Variants in SLF2 observed in about 807,000 individuals in gnomAD.
The protein encoded by SLF2 is SMC5-SMC6 complex localization factor protein 2.
Under a neutral mutation model 124.3 loss-of-function variants are expected in SLF2, and 68 were observed. That is an observed-to-expected ratio of 0.55 (90% CI 0.45 to 0.67). The LOEUF is 0.67. Ranked by LOEUF, SLF2 falls within the 30% of genes least tolerant of loss-of-function variation. The pLI, the probability that SLF2 is intolerant of heterozygous loss-of-function variation, is 0.00. For synonymous variants in SLF2, 480 were observed against 478.8 expected (o/e 1.00, Z -0.03); for missense variants, 1,246 against 1,373.7 (o/e 0.91, Z 1.47).
chr10:100,933,526 T>C (rs2133789091), intron 9 of SLF2, among the ~76,000 whole-genome samples: 1 of 152,328 alleles, frequency 6.6e-6, no homozygotes, highest in Non-Finnish European at 1.5e-5. Context: ...ATTAAAATCC[T>C]TGCATTTTTG....
chr10:100,917,814 C>T (rs546808501), intron 3 of SLF2, among the ~76,000 whole-genome samples: 63 of 152,226 alleles, frequency 4.1e-4, no homozygotes, highest in African/African-American at 1.3e-3. Flanking sequence ...TGGCCTCAAG[C>T]GATCCTCCTG....
At chr10:100,927,342 T>C (rs1459303961) in intron 6 of SLF2, among the ~76,000 whole-genome samples, 1 of 152,228 alleles carries the variant, frequency 6.6e-6, no homozygotes, top group Non-Finnish European at 1.5e-5. Flanking sequence ...TAAGTGGTAT[T>C]ATATTTGTCC....
chr10:100,930,422 C>T (rs1336439411), intron 8 of SLF2, among the ~76,000 whole-genome samples: 1 of 152,162 alleles, frequency 6.6e-6, no homozygotes, highest in Non-Finnish European at 1.5e-5. Context: ...ACACAGCATT[C>T]CCACACACTA....
At chr10:100,920,601 G>A (rs1160670776) in intron 4 of SLF2, among the ~76,000 whole-genome samples, 1 of 152,074 alleles carries the variant, frequency 6.6e-6, no homozygotes, top group African/African-American at 2.4e-5. Flanking sequence ...AAGGACAAGG[G>A]GATATTTCAA....
chr10:100,947,936 G>A, intron 15 of SLF2, 89 bp downstream of exon 15: 1 of 908,448 alleles, frequency 1.1e-6, no homozygotes, highest in Non-Finnish European at 1.7e-6. Context: ...CAAAGGTCCT[G>A]GGGTCAGAGC....
intron 8 of SLF2, among the ~76,000 whole-genome samples, chr10:100,930,681 T>G (rs1849714168): frequency 6.6e-6 from 1 of 152,234 alleles, no homozygotes; most frequent in South Asian, 2.1e-4. Context: ...GCTGCCAATT[T>G]TTTAAAGTAC....
intron 6 of SLF2, chr10:100,926,762 T>C (rs779243205): frequency 1.3e-5 from 2 of 151,790 alleles, no homozygotes; most frequent in African/African-American, 2.4e-5. Context: ...AAAAAAAAAT[T>C]AGCTGGGTGT....
At chr10:100,955,633 C>T (rs923294270) in intron 17 of SLF2, among the ~76,000 whole-genome samples, 2 of 152,154 alleles carry the variant, frequency 1.3e-5, no homozygotes, top group South Asian at 4.1e-4. Context: ...ATTGGCTGGG[C>T]GCGGTGGCTC....
chr10:100,945,229 G>T, intron 12 of SLF2, 101 bp from the exon 13 acceptor site: 1 of 963,612 alleles, frequency 1.0e-6, no homozygotes, highest in Non-Finnish European at 1.5e-6. Context: ...TTTCTTTATA[G>T]TTCTTTTTTG....
chr10:100,936,278 T>C (rs1040996537), intron 9 of SLF2, among the ~76,000 whole-genome samples: 4 of 152,082 alleles, frequency 2.6e-5, no homozygotes, highest in African/African-American at 9.7e-5. Flanking sequence ...ATCGATATTC[T>C]TGATCATTGC....
In SLF2 at chr10:100,929,422, C is replaced by T; in HGVS notation, c.2148C>T (p.Gly716=). Residue 716 remains glycine (G), a synonymous_variant, in exon 7 of 20, where the codon GGC becomes GGT. Coordinates refer to ENST00000238961, the MANE Select transcript of SLF2 (RefSeq NM_018121.4). The part of the protein sequence containing the change: ...GEEDSTDDED[G]LLEEHKEFLK... ...AAGACAGTACAGATGATGAGGATGG[C>T]CTCTTAGAAGAGCACAAGTATAGCA... 2.5e-6 allele frequency: 4 copies of T among 1,609,882 alleles called. No individual in the cohort carries two copies. Among genetic ancestry groups the T allele is most frequent in the Non-Finnish European group, 3.4e-6 (4 of 1,177,956 alleles).
At position 100,956,455 on chromosome 10, in the gene SLF2, ACTTTGTGCTACT is replaced by A. The variant is rs749608091; in HGVS notation, c.3338_3349del (p.Phe1113_Leu1116del). On this transcript the variant is annotated inframe_deletion, in exon 18 of 20. Transcript: ENST00000238961. The stretch of plus-strand genomic sequence containing the variant: ...CCTTGCATTTGTTTTGCACAGAAAC[ACTTTGTGCTACT>A]CTGTGGGGCTTTGGAAAAGCATGTT... 1 of 1,600,398 alleles carries A rather than the reference ACTTTGTGCTACT, an allele frequency of 6.2e-7. No individual in the cohort carries two copies. The highest frequency in any genetic ancestry group is 8.5e-7 in the Non-Finnish European group (1 of 1,176,080).
chr10:100,913,443 G>A (rs1415310273), intron 1 of SLF2, 193 bp downstream of exon 1: 1 of 1,325,586 alleles, frequency 7.5e-7, no homozygotes, highest in East Asian at 3.1e-5. Flanking sequence ...TCTGTAGTTG[G>A]GCAGCTGCTC....
Position 100,929,998 on chromosome 10 carries a change from G to T in SLF2, c.2333+1G>T, listed in dbSNP as rs748162172. 6.7e-7 allele frequency: 1 copy of T among 1,498,950 alleles called. No homozygotes were observed. The highest frequency in any genetic ancestry group is 8.9e-7 in the Non-Finnish European group (1 of 1,118,932). 92.9% of individuals were successfully genotyped at this position (1,498,950 alleles called of 1,614,324 possible). A position where few individuals can be genotyped will look rare whatever the true frequency, so the allele number is the denominator to read the frequency against. On this transcript the variant is annotated splice_donor_variant, in intron 8 of 19. Coordinates refer to ENST00000238961, the MANE Select transcript of SLF2 (RefSeq NM_018121.4). LOFTEE classifies it high-confidence loss of function. Reference sequence around the variant, plus strand: ...GTGCTGTAGAAAAACTTATTCTTAAGTAAGTAGAAAAATAGACATTTTACT... The same window carrying T: ...GTGCTGTAGAAAAACTTATTCTTAATTAAGTAGAAAAATAGACATTTTACT...
At chr10:100,923,020 C>A (rs1057485155) in intron 4 of SLF2, among the ~76,000 whole-genome samples, 4 of 152,084 alleles carry the variant, frequency 2.6e-5, no homozygotes, top group African/African-American at 9.7e-5. Flanking sequence ...AAGTGATCTG[C>A]CCACTCCGGC....
Position 100,950,690 on chromosome 10 carries a change from C to A in SLF2, c.3267C>A (p.Thr1089=). 6.2e-7 allele frequency: 1 copy of A among 1,613,494 alleles called. No homozygotes were observed. Among genetic ancestry groups the A allele is most frequent in the Non-Finnish European group, 8.5e-7 (1 of 1,179,570 alleles). ...LELEKQAYYL[T]YILLHLVGEV... is the part of the protein sequence containing the mutation. ...TTCTCTAACAGGCATATTACCTGAC[C>A]TACATTCTTCTTCATTTAGTCGGTG... is the stretch of plus-strand genomic sequence containing the variant. The change falls in exon 17 of 20, where the codon ACC becomes ACA. Residue 1089 remains threonine, a synonymous_variant. Coordinates refer to ENST00000238961, the MANE Select transcript of SLF2 (RefSeq NM_018121.4).
Position 100,959,489 on chromosome 10 carries a change from C to T in SLF2, c.3479C>T (p.Pro1160Leu). 1 of 1,613,176 alleles carries T rather than the reference C, an allele frequency of 6.2e-7. No individual in the cohort carries two copies. The highest frequency in any genetic ancestry group is 8.5e-7 in the Non-Finnish European group (1 of 1,179,786). ...CAGGAAATAATCCAGAACTGTCGGC[C>T]TACTCAGGTGTCATTTTGTTATACA... ...KWQEIIQNCR[P>L]TQGQLHDFWV... The change falls in exon 19 of 20, where the codon CCT (proline) becomes CTT (leucine). Residue 1160 changes from proline (P) to leucine (L), a missense_variant. Coordinates refer to ENST00000238961, the MANE Select transcript of SLF2 (RefSeq NM_018121.4).
chr10:100,918,018 T>C (rs938582122), intron 3 of SLF2, among the ~76,000 whole-genome samples: 2 of 152,184 alleles, frequency 1.3e-5, no homozygotes, highest in African/African-American at 4.8e-5. Flanking sequence ...GCCCAGGAGA[T>C]CAAGGTTGCA....
intron 10 of SLF2, among the ~76,000 whole-genome samples, chr10:100,938,297 T>C (rs1045009370): frequency 6.6e-6 from 1 of 151,084 alleles, no homozygotes; most frequent in Non-Finnish European, 1.5e-5. Context: ...TCCTGTGTTA[T>C]TGATAGTTGG....
Sources: gnomAD v4.1 joint callset for allele counts (sites outside exome capture counted in the v4.1 genomes callset) on GRCh38, gnomAD v4.1.1 for gene constraint, MANE v1.5 for transcripts, NCBI Gene and HGNC (gene_info 2026-07-23, HGNC 2026-07-21) for gene names.